TAFA2: variants seen among roughly 807,000 people sequenced by gnomAD.
TAFA2 encodes chemokine-like protein TAFA-2.
In TAFA2, 7 loss-of-function variants were observed where a neutral mutation model predicts 18.8. That is an observed-to-expected ratio of 0.37 (90% CI 0.21 to 0.70). The LOEUF (loss-of-function observed/expected upper bound fraction) is 0.70. Ranked by LOEUF, TAFA2 falls within the 30% of genes least tolerant of loss-of-function variation. TAFA2 has a pLI of 0.53. For synonymous variants in TAFA2, 60 were observed against 54.2 expected, an observed-to-expected ratio of 1.11 and a Z score of -0.47; for missense variants, 122 against 158.1, an observed-to-expected ratio of 0.77 and a Z score of 1.23.
chr12:62,185,698 T>C (rs981006572), intron 1 of TAFA2, among the ~76,000 whole-genome samples: 1 of 152,214 alleles, frequency 6.6e-6, no homozygotes, highest in Non-Finnish European at 1.5e-5. Flanking sequence ...ATGATAAAAA[T>C]ATAAGTATAA....
intron 1 of TAFA2, among the ~76,000 whole-genome samples, chr12:62,078,216 T>C (rs1412268035): frequency 6.6e-6 from 1 of 152,016 alleles, no homozygotes. Context: ...CCCTCCTAAC[T>C]TACCCGGCCA....
At chr12:61,869,846 G>A (rs956756177) in intron 1 of TAFA2, among the ~76,000 whole-genome samples, 11 of 151,988 alleles carry the variant, frequency 7.2e-5, no homozygotes, top group African/African-American at 2.7e-4. Flanking sequence ...ACTCCCCTCT[G>A]CATCTAATCC....
intron 1 of TAFA2, among the ~76,000 whole-genome samples, chr12:61,950,113 G>A (rs1878414436): frequency 6.6e-6 from 1 of 151,984 alleles, no homozygotes; most frequent in African/African-American, 2.4e-5. Flanking sequence ...CCTTTTTAAG[G>A]CTGAATGATA....
chr12:62,087,075 C>A (rs1372126840), intron 1 of TAFA2, among the ~76,000 whole-genome samples: 1 of 151,926 alleles, frequency 6.6e-6, no homozygotes, highest in East Asian at 1.9e-4. Flanking sequence ...ATAAGAGGCA[C>A]TTAGAGTAGT....
intron 1 of TAFA2, among the ~76,000 whole-genome samples, chr12:61,951,779 C>A (rs1878476062): frequency 1.3e-5 from 2 of 152,104 alleles, no homozygotes; most frequent in African/African-American, 2.4e-5. Flanking sequence ...GCCATAATTT[C>A]TTTGGTACCT....
At chr12:61,897,836 T>C (rs950636843) in intron 1 of TAFA2, among the ~76,000 whole-genome samples, 8 of 152,192 alleles carry the variant, frequency 5.3e-5, no homozygotes, top group African/African-American at 1.9e-4. Context: ...TCCCAGAGTC[T>C]TAACTCATTT....
chr12:61,815,532 G>A (rs1263701838), intron 2 of TAFA2, among the ~76,000 whole-genome samples: 1 of 150,892 alleles, frequency 6.6e-6, no homozygotes, highest in Non-Finnish European at 1.5e-5. Context: ...GCATGGTGGT[G>A]GGCACCTGTA....
chr12:61,762,943 G>C (rs1023285729), intron 2 of TAFA2, among the ~76,000 whole-genome samples: 10 of 151,944 alleles, frequency 6.6e-5, no homozygotes, highest in African/African-American at 2.4e-4. Flanking sequence ...TGCACCAATA[G>C]GCAACTGAAA....
intron 2 of TAFA2, among the ~76,000 whole-genome samples, chr12:61,775,472 A>AG (rs1244030090): frequency 1.3e-5 from 2 of 151,906 alleles, no homozygotes; most frequent in African/African-American, 4.8e-5. Context: ...GCTAAAAAAA[A>AG]TGAGCTATCA....
rs561286517 is a variant in TAFA2, at chr12:62,158,266, A to G, written c.-2+32993T>C. On this transcript the variant is annotated intron_variant, in intron 1 of 4. Coordinates refer to ENST00000416284, the MANE Select transcript of TAFA2 (RefSeq NM_178539.5). ...AATATTTAAATATGACAAAGTAAAA[A>G]GAGAATATTTGGAAAGGAATAAGCT... is the stretch of plus-strand genomic sequence containing the variant. 3.9e-5 allele frequency among the ~76,000 whole-genome samples: 6 copies of G among 152,366 alleles called. No individual in the cohort carries two copies. The South Asian group carries it at 1.2e-3, about 32-fold the overall frequency.
At chr12:62,246,253 T>G (rs2062885724) in intron 1 of TAFA2, among the ~76,000 whole-genome samples, 1 of 152,232 alleles carries the variant, frequency 6.6e-6, no homozygotes, top group Non-Finnish European at 1.5e-5. Context: ...CCCAAAGTGC[T>G]GGGATTACAA....
chr12:61,709,922 A>C lies in TAFA2; in HGVS notation c.*484T>G, dbSNP rs185138399. ...TATAAATAAAATTGTCTCAGTCTAC[A>C]CCATGCCAGAGGAAAAGTTCTCAAA... On this transcript the variant is annotated 3_prime_UTR_variant, in exon 5 of 5. Coordinates refer to ENST00000416284, the MANE Select transcript of TAFA2 (RefSeq NM_178539.5). 6.5e-6 allele frequency: 1 copy of C among 154,586 alleles called. No individual in the cohort carries two copies. The highest frequency in any genetic ancestry group is 2.4e-5 in the African/African-American group (1 of 41,640). The allele number at this position is 154,586 out of a possible 1,614,324, so 9.6% of individuals were successfully genotyped here. A position where few individuals can be genotyped will look rare whatever the true frequency, so the allele number is the denominator to read the frequency against.
intron 2 of TAFA2, among the ~76,000 whole-genome samples, chr12:61,837,000 T>C (rs549985938): frequency 1.3e-5 from 2 of 151,568 alleles, no homozygotes; most frequent in African/African-American, 2.4e-5. Flanking sequence ...ATAATGTTTT[T>C]TAAGTGACCA....
chr12:61,806,968 A>G (rs1871640769), intron 2 of TAFA2, among the ~76,000 whole-genome samples: 1 of 152,228 alleles, frequency 6.6e-6, no homozygotes, highest in East Asian at 1.9e-4. Context: ...CAAAATTTGT[A>G]GCCTGATAAT....
upstream of TAFA2, chr12:62,259,610 G>A (rs2062974897): frequency 6.6e-6 from 1 of 152,340 alleles, no homozygotes; most frequent in Non-Finnish European, 1.5e-5. Context: ...ATACGAAGAT[G>A]GGGCTAAGAA....
At chr12:61,977,698 T>C (rs1287788974) in intron 1 of TAFA2, among the ~76,000 whole-genome samples, 2 of 152,106 alleles carry the variant, frequency 1.3e-5, no homozygotes, top group Non-Finnish European at 2.9e-5. Flanking sequence ...TTGCTTTCAT[T>C]TAATTCTACA....
At position 62,053,817 on chromosome 12, in the gene TAFA2, G is replaced by A. The variant is rs1453586196; in HGVS notation, c.-2+137442C>T. On this transcript the variant is annotated intron_variant, in intron 1 of 4. Transcript: ENST00000416284. ...CTCTGAGTTTCATAAACTGGAAATA[G>A]TATTAGAACCTATCTCACAGGCTTG... Among the ~76,000 whole-genome samples, 3 of 152,304 alleles carry A rather than the reference G, an allele frequency of 2.0e-5. No homozygotes were observed. In the East Asian group the frequency reaches 5.8e-4, roughly 29 times the overall value.
At chr12:61,955,875 T>G (rs988012318) in intron 1 of TAFA2, among the ~76,000 whole-genome samples, 2 of 151,454 alleles carry the variant, frequency 1.3e-5, no homozygotes, top group Non-Finnish European at 2.9e-5. Context: ...TAACAATTTT[T>G]GGGGGGCCAG....
At chr12:62,067,306 C>A (rs1165897528) in intron 1 of TAFA2, among the ~76,000 whole-genome samples, 1 of 151,986 alleles carries the variant, frequency 6.6e-6, no homozygotes, top group African/African-American at 2.4e-5. Context: ...TGTGCAGAAG[C>A]TTTCTAACTT....
Sources: allele counts gnomAD v4.1 joint callset (sites outside exome capture counted in the v4.1 genomes callset), GRCh38; gene constraint gnomAD v4.1.1; transcripts MANE v1.5; gene names NCBI Gene and HGNC (gene_info 2026-07-23, HGNC 2026-07-21).